FGF14: variants seen among roughly 807,000 people sequenced by gnomAD.
FGF14 encodes the protein fibroblast growth factor 14.
Under a neutral mutation model 25.5 loss-of-function variants are expected in FGF14, and 5 were observed. That is an observed-to-expected ratio of 0.20 (90% confidence interval 0.10 to 0.41). The LOEUF (loss-of-function observed/expected upper bound fraction) is 0.41. Ranked by LOEUF, FGF14 falls within the 10% of genes least tolerant of loss-of-function variation. The pLI, the probability that FGF14 is intolerant of heterozygous loss-of-function variation, is 1.00. For missense variants in FGF14, 222 were observed against 320.1 expected, an observed-to-expected ratio of 0.69 and a Z score of 2.34; for synonymous variants, 138 against 118.3, an observed-to-expected ratio of 1.17 and a Z score of -1.08.
At chr13:101,934,567 G>A (rs2034977955) in intron 1 of FGF14, among the ~76,000 whole-genome samples, 1 of 152,176 alleles carries the variant, frequency 6.6e-6, no homozygotes, top group Admixed American at 6.5e-5. Flanking sequence ...GTTTACCTAA[G>A]TTATTTACTT....
intron 3 of FGF14, among the ~76,000 whole-genome samples, chr13:101,764,948 C>T (rs2038285674): frequency 6.6e-6 from 1 of 152,158 alleles, no homozygotes; most frequent in African/African-American, 2.4e-5. Context: ...ACGAAAATCA[C>T]TCAAGGACTG....
At chr13:101,944,312 T>C (rs979200205) in intron 1 of FGF14, among the ~76,000 whole-genome samples, 1 of 152,142 alleles carries the variant, frequency 6.6e-6, no homozygotes, top group Non-Finnish European at 1.5e-5. Flanking sequence ...ACAGAACACA[T>C]CCCTAAAAGT....
At chr13:101,833,889 C>A (rs557432240) in intron 3 of FGF14, among the ~76,000 whole-genome samples, 3 of 152,212 alleles carry the variant, frequency 2.0e-5, no homozygotes, top group African/African-American at 7.2e-5. Context: ...TAGCAAACCT[C>A]CTAAGCTGAT....
At chr13:102,397,677 C>T (rs957204522) in intron 1 of FGF14, among the ~76,000 whole-genome samples, 2 of 152,122 alleles carry the variant, frequency 1.3e-5, no homozygotes, top group Non-Finnish European at 2.9e-5. Flanking sequence ...CCTGAAGAGA[C>T]AGCAATGACA....
chr13:101,770,261 A>G (rs2038687441), intron 3 of FGF14, among the ~76,000 whole-genome samples: 1 of 152,136 alleles, frequency 6.6e-6, no homozygotes, highest in African/African-American at 2.4e-5. Flanking sequence ...TTGTGGGCTA[A>G]TGTGTGCTGT....
At chr13:101,984,089 C>T (rs551989024) in intron 1 of FGF14, among the ~76,000 whole-genome samples, 194 of 152,264 alleles carry the variant, frequency 1.3e-3, no homozygotes, top group African/African-American at 4.4e-3. Context: ...GATAATATCA[C>T]CTTCCTGTTG....
intron 1 of FGF14, among the ~76,000 whole-genome samples, chr13:101,932,090 C>T (rs1019656829): frequency 6.6e-6 from 1 of 152,164 alleles, no homozygotes; most frequent in Non-Finnish European, 1.5e-5. Context: ...TGTGGAAACG[C>T]ATTTCTTTCA....
chr13:101,731,258 A>G (rs556605238), intron 3 of FGF14, among the ~76,000 whole-genome samples: 6 of 152,220 alleles, frequency 3.9e-5, no homozygotes, highest in Non-Finnish European at 8.8e-5. Flanking sequence ...GAAAATGCTT[A>G]TTTAAATTTA....
chr13:102,214,211 C>G (rs2050274187), intron 1 of FGF14, among the ~76,000 whole-genome samples: 1 of 152,224 alleles, frequency 6.6e-6, no homozygotes, highest in Admixed American at 6.5e-5. Context: ...TCAGGAAGAT[C>G]CTTTCACTCT....
chr13:101,932,784 A>G (rs2139254120), intron 1 of FGF14, among the ~76,000 whole-genome samples: 1 of 150,816 alleles, frequency 6.6e-6, no homozygotes, highest in Middle Eastern at 3.4e-3. Flanking sequence ...AAGCACTGAG[A>G]AAAAATTATG....
intron 1 of FGF14, among the ~76,000 whole-genome samples, chr13:101,981,634 G>A (rs997731719): frequency 2.6e-4 from 23 of 88,454 alleles, no homozygotes; most frequent in African/African-American, 1.2e-3. Flanking sequence ...GAGAGAAAGT[G>A]GCCATAATTA....
In FGF14 at chr13:102,237,570, GT is replaced by G. The variant is rs1371766969; in HGVS notation, c.208+163900del. ...GCACCAGATTTCTAAACTGCTTGGGGTTTTTTACACTTCAGAAAAAAAAAAA... is the reference window on the plus strand; with the variant it reads ...GCACCAGATTTCTAAACTGCTTGGGGTTTTTACACTTCAGAAAAAAAAAAA... On this transcript the variant is annotated intron_variant, in intron 1 of 4. Coordinates refer to the FGF14 transcript ENST00000376131. Among the ~76,000 whole-genome samples, 3 of 113,816 alleles carry G rather than the reference GT, an allele frequency of 2.6e-5. No homozygotes were observed. The Admixed American group carries it at 3.1e-4, about 12-fold the overall frequency. The allele number at this position is 113,816 out of a possible 152,430, so 74.7% of individuals were successfully genotyped here.
chr13:102,119,590 G>A (rs1341201530), intron 1 of FGF14, among the ~76,000 whole-genome samples: 1 of 152,166 alleles, frequency 6.6e-6, no homozygotes, highest in Non-Finnish European at 1.5e-5. Context: ...GATGTCTGCA[G>A]CTTCCCTTCA....
intron 1 of FGF14, among the ~76,000 whole-genome samples, chr13:102,011,581 C>T (rs1173666648): frequency 1.3e-5 from 2 of 151,602 alleles, no homozygotes; most frequent in Admixed American, 1.3e-4. Flanking sequence ...TTGCCATACG[C>T]AGGAGTATGA....
At chr13:101,867,142 C>T (rs2044753481) in intron 3 of FGF14, among the ~76,000 whole-genome samples, 1 of 152,104 alleles carries the variant, frequency 6.6e-6, no homozygotes, top group Admixed American at 6.6e-5. Context: ...ATGCGGAAAC[C>T]ATATTTAAAA....
chr13:101,782,615 A>G (rs1212145349), intron 3 of FGF14, among the ~76,000 whole-genome samples: 1 of 152,138 alleles, frequency 6.6e-6, no homozygotes, highest in Non-Finnish European at 1.5e-5. Flanking sequence ...TTTGGCAACT[A>G]CTTAATAAGT....
intron 1 of FGF14, among the ~76,000 whole-genome samples, chr13:102,216,635 T>G (rs1449301546): frequency 6.6e-6 from 1 of 152,214 alleles, no homozygotes; most frequent in Non-Finnish European, 1.5e-5. Flanking sequence ...AGCATATCCT[T>G]AAACACTTAT....
At position 102,202,874 on chromosome 13, in the gene FGF14, A is replaced by G. The variant is rs56055230; in HGVS notation, c.208+198597T>C. On this transcript the variant is annotated intron_variant, in intron 1 of 4. Transcript: ENST00000376131. ...AATACTGCAGTGCTGCTGTGCTTTT[A>G]ATGCCCCGTCCAAAACTCTCAAAGA... is the stretch of plus-strand genomic sequence containing the variant. Among the ~76,000 whole-genome samples, 1,088 of 152,318 alleles carry G rather than the reference A, an allele frequency of 7.1e-3. 7 individuals carry two copies. The highest frequency in any genetic ancestry group is 7.5e-3 in the Non-Finnish European group (508 of 68,022).
Position 101,718,118 on chromosome 13 carries a change from AC to A in FGF14, c.*4712del, listed in dbSNP as rs2034794042. 1 of 152,136 alleles carries A rather than the reference AC, an allele frequency of 6.6e-6. No individual in the cohort carries two copies. Among genetic ancestry groups the A allele is most frequent in the Non-Finnish European group, 1.5e-5 (1 of 68,008 alleles). 9.4% of individuals were successfully genotyped at this position (152,136 alleles called of 1,614,324 possible). A position where few individuals can be genotyped will look rare whatever the true frequency, so the allele number is the denominator to read the frequency against. The stretch of plus-strand genomic sequence containing the variant: ...TGTTCATTTAGTTAGAAACCATAGT[AC>A]CGGAACTGTATTATAGTAGAAGTTA... On this transcript the variant is annotated 3_prime_UTR_variant, in exon 5 of 5. Transcript: ENST00000376143.
Sources: gnomAD v4.1 joint callset for allele counts (sites outside exome capture counted in the v4.1 genomes callset) on GRCh38, gnomAD v4.1.1 for gene constraint, MANE v1.5 for transcripts, NCBI Gene and HGNC (gene_info 2026-07-23, HGNC 2026-07-21) for gene names.